Variants in ARL8B observed in about 807,000 individuals in gnomAD.
The protein encoded by ARL8B is ARF like GTPase 8B, also known as ADP-ribosylation factor-like protein 8B.
A neutral mutation model predicts 30.6 loss-of-function variants in ARL8B; 9 were observed. That is an observed-to-expected ratio of 0.29 (90% CI 0.18 to 0.51). ARL8B has a LOEUF of 0.51. Among genes scored for constraint, ARL8B ranks in the 20% least tolerant of loss-of-function variants. ARL8B has a pLI of 0.97. For missense variants in ARL8B, 130 were observed against 227.2 expected, an observed-to-expected ratio of 0.57 and a Z score of 2.75; for synonymous variants, 74 against 76.0, an observed-to-expected ratio of 0.97 and a Z score of 0.14.
In ARL8B at chr3:5,122,601, C is replaced by CCA; in HGVS notation, c.123+15_123+16dup. ...CAATGTCATCGCGGTGAGCGCCCGC[C>CCA]CACTCACTCGCCCGGGGCTCCGCAG... On this transcript the variant is annotated intron_variant, in intron 1 of 6. Transcript: ENST00000256496. 1 of 1,593,024 alleles carries CCA rather than the reference C, an allele frequency of 6.3e-7. No individual in the cohort carries two copies.
chr3:5,172,957 G>A (rs2054689817), intron 4 of ARL8B, among the ~76,000 whole-genome samples: 1 of 152,240 alleles, frequency 6.6e-6, no homozygotes, highest in Non-Finnish European at 1.5e-5. Flanking sequence ...AGCAGGAGCA[G>A]TGCGTAGGCC....
intron 1 of ARL8B, among the ~76,000 whole-genome samples, chr3:5,152,525 G>A (rs1235988860): frequency 6.6e-6 from 1 of 151,996 alleles, no homozygotes; most frequent in Admixed American, 6.5e-5. Context: ...TTGCTCTGTT[G>A]CCAGGCTGGA....
chr3:5,163,272 C>A (rs1240679073), intron 1 of ARL8B, among the ~76,000 whole-genome samples: 3 of 152,074 alleles, frequency 2.0e-5, no homozygotes, highest in Non-Finnish European at 2.9e-5. Context: ...CAGGTGTGAG[C>A]CACCACGCCT....
chr3:5,129,012 A>G (rs745736791), intron 1 of ARL8B, among the ~76,000 whole-genome samples: 113 of 151,618 alleles, frequency 7.5e-4, no homozygotes, highest in Non-Finnish European at 1.4e-3. Flanking sequence ...CATTTGAGGG[A>G]TTTTTCCTAT....
At chr3:5,129,375 T>C (rs1018620730) in intron 1 of ARL8B, among the ~76,000 whole-genome samples, 1 of 152,198 alleles carries the variant, frequency 6.6e-6, no homozygotes, top group African/African-American at 2.4e-5. Context: ...AGTTGGACTT[T>C]GGTTAAGCAC....
At chr3:5,159,110 G>T (rs995229079) in intron 1 of ARL8B, among the ~76,000 whole-genome samples, 1 of 151,164 alleles carries the variant, frequency 6.6e-6, no homozygotes, top group Non-Finnish European at 1.5e-5. Flanking sequence ...GCACCACCAC[G>T]CCTGGCTCAA....
At chr3:5,170,608 A>G (rs775717888) in intron 2 of ARL8B, 25 bp downstream of exon 2, 2 of 1,560,568 alleles carry the variant, frequency 1.3e-6, no homozygotes, top group Non-Finnish European at 1.8e-6. Context: ...GCCGTACGCA[A>G]TTTAAATTGT....
chr3:5,158,278 C>T (rs910708617), intron 1 of ARL8B, among the ~76,000 whole-genome samples: 1 of 152,202 alleles, frequency 6.6e-6, no homozygotes, highest in Non-Finnish European at 1.5e-5. Context: ...GCCACGCGCC[C>T]AGCCTGGGGC....
intron 1 of ARL8B, among the ~76,000 whole-genome samples, chr3:5,159,254 C>T (rs925258776): frequency 1.4e-5 from 2 of 138,454 alleles, no homozygotes; most frequent in Admixed American, 7.9e-5. Context: ...GAGCCACGAT[C>T]GCATCAGTGT....
At chr3:5,172,821 T>C (rs1331279956) in intron 4 of ARL8B, 81 bp downstream of exon 4, 1 of 950,684 alleles carries the variant, frequency 1.1e-6, no homozygotes, top group Non-Finnish European at 1.6e-6. Flanking sequence ...ATATTAATTA[T>C]GTTTGAAATC....
At chr3:5,148,529 G>A (rs754022732) in intron 1 of ARL8B, among the ~76,000 whole-genome samples, 17 of 152,130 alleles carry the variant, frequency 1.1e-4, no homozygotes, top group Non-Finnish European at 1.9e-4. Flanking sequence ...TATGGAGGGG[G>A]CATGCGTGAT....
chr3:5,178,763 T>C lies in ARL8B; in HGVS notation c.*50T>C. On this transcript the variant is annotated 3_prime_UTR_variant, in exon 7 of 7. Coordinates refer to ENST00000256496, the MANE Select transcript of ARL8B (RefSeq NM_018184.3). Reference sequence around the variant, plus strand: ...CTTCTTGGCTATAATCCTAGAATTATTGTCCGTTCCTCTGAAGTAATTCCC... The same window carrying C: ...CTTCTTGGCTATAATCCTAGAATTACTGTCCGTTCCTCTGAAGTAATTCCC... 2 of 1,609,580 alleles carry C rather than the reference T, an allele frequency of 1.2e-6. No individual in the cohort carries two copies. Among genetic ancestry groups the C allele is most frequent in the South Asian group, 1.1e-5 (1 of 90,874 alleles).
rs1378877089 is a variant in ARL8B at position 5,179,199 on chromosome 3, G to A, written c.*486G>A. 1 of 152,874 alleles carries A rather than the reference G, an allele frequency of 6.5e-6. No homozygotes were observed. Among genetic ancestry groups the A allele is most frequent in the East Asian group, 1.9e-4 (1 of 5,182 alleles). 9.5% of individuals were successfully genotyped at this position (152,874 alleles called of 1,614,324 possible). ...AAACCTTTAGGCGTGAATGACTCATGTGGGATATATGTAAACATAATGTTT... is the reference window on the plus strand; with the variant it reads ...AAACCTTTAGGCGTGAATGACTCATATGGGATATATGTAAACATAATGTTT... On this transcript the variant is annotated 3_prime_UTR_variant, in exon 7 of 7. Transcript: ENST00000256496.
intron 1 of ARL8B, among the ~76,000 whole-genome samples, chr3:5,141,903 C>T (rs940018597): frequency 6.6e-6 from 1 of 152,172 alleles, no homozygotes; most frequent in African/African-American, 2.4e-5. Context: ...AGTTCACATT[C>T]TTATTAATAG....
chr3:5,129,805 G>A (rs2054266157), intron 1 of ARL8B, among the ~76,000 whole-genome samples: 1 of 152,260 alleles, frequency 6.6e-6, no homozygotes, highest in Non-Finnish European at 1.5e-5. Context: ...ATTACTTGAA[G>A]CCAGGAGTTG....
Position 5,161,201 on chromosome 3 carries a change from GC to G in ARL8B, c.124-9300del, listed in dbSNP as rs1026727317. On this transcript the variant is annotated intron_variant, in intron 1 of 6. Transcript: ENST00000256496. ...ATTACAGGGGTGAGGCACTGTACCA[GC>G]CTTTACCACTAGTTATCTTGAAAAA... is the stretch of plus-strand genomic sequence containing the variant. Among the ~76,000 whole-genome samples the G allele has an allele frequency of 1.1e-3, 174 of 152,186 alleles. 3 individuals are homozygous for G. Among genetic ancestry groups the G allele is most frequent in the Non-Finnish European group, 6.8e-4 (46 of 68,042 alleles).
At chr3:5,135,124 C>T (rs565306903) in intron 1 of ARL8B, among the ~76,000 whole-genome samples, 5 of 152,288 alleles carry the variant, frequency 3.3e-5, no homozygotes, top group African/African-American at 4.8e-5. Flanking sequence ...GTTGGGATTA[C>T]AGCCATGAGC....
intron 1 of ARL8B, among the ~76,000 whole-genome samples, chr3:5,124,584 A>G (rs1292229980): frequency 6.6e-6 from 1 of 152,100 alleles, no homozygotes; most frequent in East Asian, 1.9e-4. Flanking sequence ...TCCCTGTCTC[A>G]GCCTCCCAAG....
At chr3:5,169,668 A>G (rs2054654189) in intron 1 of ARL8B, among the ~76,000 whole-genome samples, 1 of 151,520 alleles carries the variant, frequency 6.6e-6, no homozygotes, top group South Asian at 2.1e-4. Flanking sequence ...ACGTCTTTTC[A>G]TGAGTTCATT....
Sources: gnomAD v4.1 joint callset for allele counts (sites outside exome capture counted in the v4.1 genomes callset) on GRCh38, gnomAD v4.1.1 for gene constraint, MANE v1.5 for transcripts, NCBI Gene and HGNC (gene_info 2026-07-23, HGNC 2026-07-21) for gene names.